PCDHGA6: variants seen among roughly 807,000 people sequenced by gnomAD.
PCDHGA6 encodes protocadherin gamma-A6.
In PCDHGA6, 41 loss-of-function variants were observed where a neutral mutation model predicts 60.6. The observed-to-expected ratio is 0.68, with a 90% CI of 0.53 to 0.88. PCDHGA6 has a LOEUF of 0.88. Ranked by LOEUF, PCDHGA6 falls within the 40% of genes least tolerant of loss-of-function variation. PCDHGA6 has a pLI of 0.00. For missense variants in PCDHGA6, 1,312 were observed against 1,203.0 expected (o/e 1.09, Z -1.34); for synonymous variants, 594 against 524.4 (o/e 1.13, Z -1.81).
At chr5:141,494,991 G>A in intron 2 of PCDHGA6, 126 bp downstream of exon 2, 1 of 1,551,148 alleles carries the variant, frequency 6.4e-7, no homozygotes, top group Non-Finnish European at 8.7e-7. Context: ...AGATCCCAGG[G>A]AGGTCTTGGT....
At chr5:141,395,506 G>A in intron 1 of PCDHGA6, 1 of 433,794 alleles carries the variant, frequency 2.3e-6, no homozygotes, top group East Asian at 4.4e-5. Flanking sequence ...CACTTAAGAA[G>A]TAGCTACCCG....
At chr5:141,425,111 A>C (rs2096857405) in intron 1 of PCDHGA6, among the ~76,000 whole-genome samples, 1 of 152,144 alleles carries the variant, frequency 6.6e-6, no homozygotes, top group Non-Finnish European at 1.5e-5. Flanking sequence ...AGATGCCTAC[A>C]TTTTTCTTGA....
intron 1 of PCDHGA6, chr5:141,419,964 T>A (rs151105903): frequency 1.2e-6 from 2 of 1,613,964 alleles, no homozygotes; most frequent in African/African-American, 2.7e-5. Context: ...ATTTCTGTGC[T>A]CTTTCTCCTC....
intron 1 of PCDHGA6, chr5:141,403,625 A>G (rs2094436092): frequency 6.2e-7 from 1 of 1,613,818 alleles, no homozygotes; most frequent in African/African-American, 1.3e-5. Context: ...TCGCTCCAGC[A>G]CAGTGCGCAT....
intron 1 of PCDHGA6, chr5:141,388,500 A>T: frequency 6.2e-7 from 1 of 1,613,860 alleles, no homozygotes; most frequent in Non-Finnish European, 8.5e-7. Flanking sequence ...AGAAAAGCAG[A>T]AATCCTACCA....
Position 141,469,939 on chromosome 5 carries a change from T to G in PCDHGA6, c.2425-24868T>G, listed in dbSNP as rs1376169822. Among the ~76,000 whole-genome samples, 3 of 152,186 alleles carry G rather than the reference T, an allele frequency of 2.0e-5. No individual in the cohort carries two copies. The East Asian group carries it at 5.8e-4, about 29-fold the overall frequency. On this transcript the variant is annotated intron_variant, in intron 1 of 3. Transcript: ENST00000517434. ...CGAGGTCAGGAGTTTGAGACCAGCC[T>G]GGCCAGCATGGTGAAACCCCATCTG...
intron 1 of PCDHGA6, chr5:141,402,959 G>C: frequency 1.2e-5 from 19 of 1,604,470 alleles, no homozygotes; most frequent in Non-Finnish European, 1.5e-5. Context: ...AGCAATGGCA[G>C]CTCCAACCAA....
In PCDHGA6 at chr5:141,374,846, C is replaced by T. The variant is rs1473498001; in HGVS notation, c.763C>T (p.Leu255=). 4.3e-6 allele frequency: 7 copies of T among 1,613,724 alleles called. No individual in the cohort carries two copies. In the African/African-American group the frequency reaches 8.0e-5, roughly 18 times the overall value. The change falls in exon 1 of 4, where the codon CTG becomes TTG. Residue 255 remains leucine (L), a synonymous_variant. Coordinates refer to ENST00000517434, the MANE Select transcript of PCDHGA6 (RefSeq NM_018919.3). ...PVYRVSVPEN[L]PVGTPVLAVT... is the part of the protein sequence containing the mutation. ...CTACCGTGTAAGTGTTCCTGAAAAC[C>T]TGCCAGTAGGCACACCAGTGTTGGC...
chr5:141,386,441 T>C (rs908191919), intron 1 of PCDHGA6, among the ~76,000 whole-genome samples: 3 of 152,152 alleles, frequency 2.0e-5, no homozygotes, highest in African/African-American at 7.2e-5. Context: ...CATGGGAGGC[T>C]GAGGCAAGAG....
chr5:141,492,558 G>A (rs879634396), intron 1 of PCDHGA6, among the ~76,000 whole-genome samples: 1 of 152,236 alleles, frequency 6.6e-6, no homozygotes, highest in South Asian at 2.1e-4. Context: ...CGCCTGGGGG[G>A]CGGCCTGAGC....
chr5:141,427,654 T>C (rs2097054872), intron 1 of PCDHGA6: 3 of 727,622 alleles, frequency 4.1e-6, no homozygotes, highest in Non-Finnish European at 7.4e-6. Context: ...TCCTACGTGG[T>C]CCACGTGGCC....
chr5:141,387,132 C>T lies in PCDHGA6; in HGVS notation c.2424+10625C>T, dbSNP rs180939160. Among the ~76,000 whole-genome samples, 392 of 152,234 alleles carry T rather than the reference C, an allele frequency of 2.6e-3. 2 individuals carry two copies. The highest frequency in any genetic ancestry group is 9.3e-3 in the African/African-American group (386 of 41,528). ...TATTCCTGTAATGAAATCACTGAAA[C>T]TATTGGGAAGGGGGTGTATTTGAAG... On this transcript the variant is annotated intron_variant, in intron 1 of 3. Coordinates refer to ENST00000517434, the MANE Select transcript of PCDHGA6 (RefSeq NM_018919.3).
rs1192987646 is a variant in PCDHGA6, at chr5:141,423,758, G to A, written c.2424+47251G>A. Reference sequence around the variant, plus strand: ...CTGTTATGAAAACTGTTTGGGGGGGGGGTGGGGCGGCATATATTTAGTTCA... The same window carrying A: ...CTGTTATGAAAACTGTTTGGGGGGGAGGTGGGGCGGCATATATTTAGTTCA... On this transcript the variant is annotated intron_variant, in intron 1 of 3. Coordinates refer to ENST00000517434, the MANE Select transcript of PCDHGA6 (RefSeq NM_018919.3). 8.2e-5 allele frequency: 30 copies of A among 366,770 alleles called. 3 individuals are homozygous for A. Among genetic ancestry groups the A allele is most frequent in the Non-Finnish European group, 1.1e-4 (29 of 259,742 alleles). The allele number at this position is 366,770 out of a possible 1,614,324, so 22.7% of individuals were successfully genotyped here.
At position 141,384,883 on chromosome 5, in the gene PCDHGA6, G is replaced by A. The variant is rs774353364; in HGVS notation, c.2424+8376G>A. ...TCTGTCAGCCACCGTCACACTCACCGTGGCTGTGGCTGACAGCATCCCCGA... is the reference window on the plus strand; with the variant it reads ...TCTGTCAGCCACCGTCACACTCACCATGGCTGTGGCTGACAGCATCCCCGA... On this transcript the variant is annotated intron_variant, in intron 1 of 3. Coordinates refer to ENST00000517434, the MANE Select transcript of PCDHGA6 (RefSeq NM_018919.3). 62 of 1,613,804 alleles carry A rather than the reference G, an allele frequency of 3.8e-5. 1 individual carries two copies. In the East Asian group the frequency reaches 1.3e-3, roughly 35 times the overall value.
At position 141,404,352 on chromosome 5, in the gene PCDHGA6, G is replaced by A. The variant is rs1378093484; in HGVS notation, c.2424+27845G>A. 1.7e-5 allele frequency: 27 copies of A among 1,613,812 alleles called. No individual in the cohort carries two copies. The South Asian group carries it at 2.9e-4, about 17-fold the overall frequency. On this transcript the variant is annotated intron_variant, in intron 1 of 3. Coordinates refer to ENST00000517434, the MANE Select transcript of PCDHGA6 (RefSeq NM_018919.3). ...GTCTACCTCCCGGAAAACAACGCCAGAGGTACTTCCATCTTCTCCGTGATT... is the reference window on the plus strand; with the variant it reads ...GTCTACCTCCCGGAAAACAACGCCAAAGGTACTTCCATCTTCTCCGTGATT...
chr5:141,375,676 G>A lies in PCDHGA6; in HGVS notation c.1593G>A (p.Trp531Ter). 6.2e-7 allele frequency: 1 copy of A among 1,614,220 alleles called. No individual in the cohort carries two copies. Among genetic ancestry groups the A allele is most frequent in the Middle Eastern group, 1.6e-4 (1 of 6,062 alleles). ...DYEQLRDLQL[W>*]VTASDSGDPP... ...AGCAGTTGAGAGACCTACAGCTGTG[G>A]GTGACAGCCAGCGACAGCGGGGACC... is the stretch of plus-strand genomic sequence containing the variant. The change falls in exon 1 of 4, where the codon TGG becomes TGA. Residue 531 changes from tryptophan (W) to a stop codon, truncating the protein, a stop_gained. Coordinates refer to ENST00000517434, the MANE Select transcript of PCDHGA6 (RefSeq NM_018919.3). LOFTEE classifies it high-confidence loss of function.
chr5:141,423,440 C>T lies in PCDHGA6; in HGVS notation c.2424+46933C>T, dbSNP rs768389351. 27 of 1,613,852 alleles carry T rather than the reference C, an allele frequency of 1.7e-5. No individual in the cohort carries two copies. In the East Asian group the frequency reaches 4.5e-4, roughly 27 times the overall value. ...GAAGGCGGGTTGGCAGGTATGCCCACGTCACATTTTGTAGGCGTGGACGGG... is the reference window on the plus strand; with the variant it reads ...GAAGGCGGGTTGGCAGGTATGCCCATGTCACATTTTGTAGGCGTGGACGGG... On this transcript the variant is annotated intron_variant, in intron 1 of 3. Coordinates refer to ENST00000517434, the MANE Select transcript of PCDHGA6 (RefSeq NM_018919.3).
Position 141,404,599 on chromosome 5 carries a change from A to G in PCDHGA6, c.2424+28092A>G. 2.5e-6 allele frequency: 4 copies of G among 1,613,988 alleles called. 1 individual carries two copies. In the East Asian group the frequency reaches 8.9e-5, roughly 36 times the overall value. ...CACTTAGCAGCAATGTGTCATTGAG[A>G]CTGTTTGTTTTGGACCAGAATGACA... is the stretch of plus-strand genomic sequence containing the variant. On this transcript the variant is annotated intron_variant, in intron 1 of 3. Coordinates refer to ENST00000517434, the MANE Select transcript of PCDHGA6 (RefSeq NM_018919.3).
At chr5:141,382,690 G>C in intron 1 of PCDHGA6, 1 of 448,422 alleles carries the variant, frequency 2.2e-6, no homozygotes, top group Non-Finnish European at 3.9e-6. Context: ...AGGGAAAAAT[G>C]GTGCGAGAGA....
Sources: gnomAD v4.1 joint callset for allele counts (sites outside exome capture counted in the v4.1 genomes callset) on GRCh38, gnomAD v4.1.1 for gene constraint, MANE v1.5 for transcripts, NCBI Gene and HGNC (gene_info 2026-07-23, HGNC 2026-07-21) for gene names.